KIFAP3: variants seen among roughly 807,000 people sequenced by gnomAD.
The protein encoded by KIFAP3 is kinesin-associated protein 3.
In KIFAP3, 68 loss-of-function variants were observed where a neutral mutation model predicts 106.5. The observed-to-expected ratio is 0.64, with a 90% CI of 0.53 to 0.78. KIFAP3 has a LOEUF of 0.78. Ranked by LOEUF, KIFAP3 falls within the 30% of genes least tolerant of loss-of-function variation. The pLI is 0.00. For missense variants in KIFAP3, 780 were observed against 941.8 expected (o/e 0.83, Z 2.25); for synonymous variants, 320 against 311.5 (o/e 1.03, Z -0.29).
At chr1:169,975,777 G>C (rs1311015086) in intron 16 of KIFAP3, among the ~76,000 whole-genome samples, 4 of 151,994 alleles carry the variant, frequency 2.6e-5, no homozygotes, top group Admixed American at 2.6e-4. Flanking sequence ...AGAATGCCTG[G>C]CTTAGAAAAC....
chr1:169,989,886 G>C (rs1470487649), intron 11 of KIFAP3, among the ~76,000 whole-genome samples: 1 of 151,988 alleles, frequency 6.6e-6, no homozygotes, highest in Non-Finnish European at 1.5e-5. Flanking sequence ...TTAATAAAAA[G>C]TTATGGTCTA....
chr1:169,941,782 T>C (rs1295840068), intron 19 of KIFAP3, among the ~76,000 whole-genome samples: 1 of 152,016 alleles, frequency 6.6e-6, no homozygotes, highest in Non-Finnish European at 1.5e-5. Flanking sequence ...AGATAAGAGG[T>C]GTAAGTAAAA....
chr1:169,941,187 A>G (rs958785108), intron 19 of KIFAP3, among the ~76,000 whole-genome samples: 2 of 152,200 alleles, frequency 1.3e-5, no homozygotes, highest in African/African-American at 4.8e-5. Flanking sequence ...AAACAATTCT[A>G]AGAGTATAAG....
chr1:170,024,811 C>T (rs1669026973), intron 8 of KIFAP3: 5 of 352,638 alleles, frequency 1.4e-5, no homozygotes, highest in Non-Finnish European at 2.0e-5. Context: ...AAACAAAACA[C>T]ACATATAAAA....
At chr1:169,930,385 T>A (rs1663396931) in intron 19 of KIFAP3, among the ~76,000 whole-genome samples, 1 of 152,222 alleles carries the variant, frequency 6.6e-6, no homozygotes, top group Non-Finnish European at 1.5e-5. Flanking sequence ...TCCATTACAT[T>A]CTGATGATTC....
intron 8 of KIFAP3, 92 bp from the exon 9 acceptor site, chr1:170,024,688 G>T: frequency 1.4e-6 from 1 of 693,774 alleles, no homozygotes; most frequent in Non-Finnish European, 2.2e-6. Context: ...AACAGAGATA[G>T]CCCTAAAAAG....
In KIFAP3 at chr1:170,041,785, T is replaced by C. The variant is rs549668454; in HGVS notation, c.320-2497A>G. 2.8e-4 allele frequency: 429 copies of C among 1,529,040 alleles called. 3 individuals are homozygous for C. In the African/African-American group the frequency reaches 3.2e-3, roughly 12 times the overall value. The allele number at this position is 1,529,040 out of a possible 1,614,324, so 94.7% of individuals were successfully genotyped here. ...ATCCCTTTTGCCTTCTCCTGATCTGTTGGCCTCCTTAAAGGTCGTGTTCCC... is the reference window on the plus strand; with the variant it reads ...ATCCCTTTTGCCTTCTCCTGATCTGCTGGCCTCCTTAAAGGTCGTGTTCCC... On this transcript the variant is annotated intron_variant, in intron 3 of 19. Transcript: ENST00000361580.
Position 170,046,851 on chromosome 1 carries a change from A to C in KIFAP3, c.180T>G (p.Ser60Arg). 2 of 1,602,914 alleles carry C rather than the reference A, an allele frequency of 1.2e-6. No individual in the cohort carries two copies. The highest frequency in any genetic ancestry group is 1.1e-5 in the South Asian group (1 of 88,754). ...KECQKIIRLKSLNANTDITSL... is the reference protein window; with the variant it reads ...KECQKIIRLKRLNANTDITSL... ...AAGTTATATCTGTGTTGGCATTGAG[A>C]CTCTTAAGTCGAATGCTGTAAGTAT... The change falls in exon 3 of 20, where the codon AGT (serine) becomes AGG (arginine). Residue 60 changes from serine (S) to arginine (R), a missense_variant. This residue lies in a region of KIFAP3 where 588 missense variants were observed against 678.9 expected (regional missense o/e 0.87). Coordinates refer to ENST00000361580, the MANE Select transcript of KIFAP3 (RefSeq NM_014970.4).
chr1:169,956,948 T>C (rs1665047422), intron 18 of KIFAP3, among the ~76,000 whole-genome samples: 1 of 152,198 alleles, frequency 6.6e-6, no homozygotes, highest in African/African-American at 2.4e-5. Flanking sequence ...AACTGCAGCT[T>C]CTACAGTGCC....
intron 1 of KIFAP3, among the ~76,000 whole-genome samples, chr1:170,065,802 G>A (rs975247794): frequency 6.6e-6 from 1 of 151,998 alleles, no homozygotes; most frequent in Non-Finnish European, 1.5e-5. Flanking sequence ...CACGTTCAAA[G>A]TGTTCATTAG....
chr1:170,039,323 G>A (rs557105072), intron 3 of KIFAP3, 35 bp from the exon 4 acceptor site: 2 of 1,195,952 alleles, frequency 1.7e-6, no homozygotes, highest in African/African-American at 3.0e-5. Flanking sequence ...AGGAGACTTA[G>A]GTTTTTAGGG....
chr1:170,034,550 G>C, intron 6 of KIFAP3, 54 bp from the exon 7 acceptor site: 1 of 1,042,722 alleles, frequency 9.6e-7, no homozygotes, highest in South Asian at 1.8e-5. Context: ...TATGGGTACA[G>C]GAAATTTGTT....
chr1:169,932,816 A>G (rs582900), intron 19 of KIFAP3, among the ~76,000 whole-genome samples: 141,825 of 151,650 alleles, frequency 0.94, 66,408 homozygotes, highest in East Asian at 0.99. Flanking sequence ...ACTTTAAGGA[A>G]GCAGACAAAT....
At chr1:169,926,631 T>C (rs1261360202) in intron 19 of KIFAP3, among the ~76,000 whole-genome samples, 1 of 151,714 alleles carries the variant, frequency 6.6e-6, no homozygotes, top group Non-Finnish European at 1.5e-5. Context: ...TATTGAGTTA[T>C]AGTTACATGT....
chr1:169,992,015 T>C (rs1040738610), intron 11 of KIFAP3, 140 bp downstream of exon 11: 17 of 412,896 alleles, frequency 4.1e-5, no homozygotes, highest in South Asian at 2.9e-4. Context: ...GTTCTGTACT[T>C]CCTCAATTTT....
intron 1 of KIFAP3, chr1:170,067,519 C>T (rs1195965883): frequency 1.3e-5 from 2 of 152,258 alleles, no homozygotes; most frequent in East Asian, 3.8e-4. Flanking sequence ...ACATCCACCC[C>T]ACTCTCAAGC....
chr1:169,987,856 A>G (rs1666910243), intron 11 of KIFAP3, among the ~76,000 whole-genome samples: 1 of 152,156 alleles, frequency 6.6e-6, no homozygotes, highest in African/African-American at 2.4e-5. Flanking sequence ...ACCCATTTAA[A>G]CAAAACATGC....
chr1:170,025,641 A>C (rs1669064607), intron 8 of KIFAP3, among the ~76,000 whole-genome samples: 1 of 152,168 alleles, frequency 6.6e-6, no homozygotes, highest in South Asian at 2.1e-4. Flanking sequence ...AAGTATTATA[A>C]AAATTTTACA....
At chr1:169,980,329 T>C (rs1423734503) in intron 15 of KIFAP3, among the ~76,000 whole-genome samples, 1 of 152,174 alleles carries the variant, frequency 6.6e-6, no homozygotes, top group Admixed American at 6.5e-5. Flanking sequence ...GATGAGAGTA[T>C]CTTCTTCAGG....
Sources: gnomAD v4.1 joint callset for allele counts (sites outside exome capture counted in the v4.1 genomes callset) on GRCh38, gnomAD v4.1.1 for gene constraint, gnomAD v4.1.1 regional missense constraint, MANE v1.5 for transcripts, NCBI Gene and HGNC (gene_info 2026-07-23, HGNC 2026-07-21) for gene names.